The following SKP2 variants were observed in gnomAD, a reference collection of about 807,000 sequenced individuals.
SKP2 encodes S-phase kinase-associated protein 2.
A neutral mutation model predicts 51.8 loss-of-function variants in SKP2; 16 were observed. The observed-to-expected ratio is 0.31, with a 90% CI of 0.21 to 0.47. The LOEUF (loss-of-function observed/expected upper bound fraction) is 0.47. Ranked by LOEUF, SKP2 falls within the 20% of genes least tolerant of loss-of-function variation. SKP2 has a pLI of 1.00. For missense variants in SKP2, 377 were observed against 505.3 expected, an observed-to-expected ratio of 0.75 and a Z score of 2.43; for synonymous variants, 176 against 198.6, an observed-to-expected ratio of 0.89 and a Z score of 0.96.
intron 7 of SKP2, among the ~76,000 whole-genome samples, chr5:36,173,414 C>T (rs1745535413): frequency 6.6e-6 from 1 of 152,158 alleles, no homozygotes; most frequent in African/African-American, 2.4e-5. Flanking sequence ...TCTTCACCCA[C>T]GAGCATCCTC....
chr5:36,152,384 T>A, intron 1 of SKP2, 114 bp downstream of exon 1: 1 of 1,026,500 alleles, frequency 9.7e-7, no homozygotes, highest in Non-Finnish European at 1.5e-6. Context: ...AGTGAATGGT[T>A]GCTTAGCCCC....
Position 36,152,125 on chromosome 5 carries a change from G to T in SKP2, c.-138G>T, listed in dbSNP as rs534520509. The T allele has an allele frequency of 1.0e-5, 9 of 859,546 alleles. No individual in the cohort carries two copies. The highest frequency in any genetic ancestry group is 1.5e-5 in the Non-Finnish European group (8 of 518,392). The allele number at this position is 859,546 out of a possible 1,614,324, so 53.2% of individuals were successfully genotyped here. On this transcript the variant is annotated 5_prime_UTR_variant, in exon 1 of 10. Transcript: ENST00000274255. ...CTTGCGCGCGCAGTGGGGATGGAAC[G>T]TTGCTAGGCTTAGCGGGTCTGGCTG...
intron 2 of SKP2, 79 bp downstream of exon 2, chr5:36,153,121 TCTTTAG>T (rs780220204): frequency 3.9e-5 from 54 of 1,380,596 alleles, no homozygotes; most frequent in Non-Finnish European, 5.2e-5. Context: ...TGTTCAGAGA[TCTTTAG>T]CATGGGTTCC....
chr5:36,153,162 C>T (rs1744805624), intron 2 of SKP2, 120 bp downstream of exon 2: 1 of 924,492 alleles, frequency 1.1e-6, no homozygotes, highest in Non-Finnish European at 1.6e-6. Context: ...AATTCTGAAG[C>T]TATTTTTCAA....
intron 2 of SKP2, among the ~76,000 whole-genome samples, chr5:36,154,044 G>A (rs548316670): frequency 9.2e-5 from 14 of 152,294 alleles, no homozygotes; most frequent in African/African-American, 3.4e-4. Context: ...TGCTCTCAGG[G>A]AGCATCCATT....
In SKP2 at chr5:36,190,683, C is replaced by CAAAAAAAA. The variant is rs70973094; in HGVS notation, c.633-1922_633-1915dup. 1.1e-3 allele frequency among the ~76,000 whole-genome samples: 90 copies of CAAAAAAAA among 81,178 alleles called. 2 individuals carry two copies. The highest frequency in any genetic ancestry group is 2.8e-3 in the African/African-American group (52 of 18,742). 53.3% of individuals were successfully genotyped at this position (81,178 alleles called of 152,430 possible). On this transcript the variant is annotated intron_variant, in intron 6 of 7. Transcript: ENST00000677886. ...AATGATGAAAAACGTCAAACATATG[C>CAAAAAAAA]AAAAAAAAAAAAAAAAAAAAAAAGA... is the stretch of plus-strand genomic sequence containing the variant.
At chr5:36,189,659 C>G (rs934547007) in intron 6 of SKP2, among the ~76,000 whole-genome samples, 1 of 152,196 alleles carries the variant, frequency 6.6e-6, no homozygotes, top group African/African-American at 2.4e-5. Flanking sequence ...TTAGGCTGCT[C>G]GGGGGTCAGG....
chr5:36,153,924 C>G (rs1157081832), intron 2 of SKP2, among the ~76,000 whole-genome samples: 2 of 152,138 alleles, frequency 1.3e-5, no homozygotes, highest in Admixed American at 1.3e-4. Flanking sequence ...GTTTTTCTTA[C>G]TAGTAAGCTA....
chr5:36,159,183 G>A (rs141861268), intron 2 of SKP2, among the ~76,000 whole-genome samples: 1 of 152,250 alleles, frequency 6.6e-6, no homozygotes, highest in East Asian at 1.9e-4. Context: ...GAGTTGGGAA[G>A]GCAAAGATGG....
chr5:36,157,816 G>T (rs936202893), intron 2 of SKP2, among the ~76,000 whole-genome samples: 1 of 152,224 alleles, frequency 6.6e-6, no homozygotes, highest in East Asian at 1.9e-4. Context: ...GCTTGAATCT[G>T]AGTGGAGTGG....
chr5:36,152,528 G>GT (rs1350417071), intron 1 of SKP2, among the ~76,000 whole-genome samples: 1 of 152,110 alleles, frequency 6.6e-6, no homozygotes, highest in African/African-American at 2.4e-5. Context: ...CTCCTTGTCT[G>GT]TTCCCTCCAC....
rs114386915 is a variant in SKP2 at position 36,154,221 on chromosome 5, T to C, written c.280+1179T>C. On this transcript the variant is annotated intron_variant, in intron 2 of 9. Coordinates refer to ENST00000274255, the MANE Select transcript of SKP2 (RefSeq NM_005983.4). ...ACCAGGTATTGAGAGAAAGCCTCAA[T>C]TGGACAGTGACCTTTAAGCAAAGAC... Among the ~76,000 whole-genome samples the C allele has an allele frequency of 9.1e-3, 1,389 of 152,108 alleles. 10 individuals are homozygous for C. The highest frequency in any genetic ancestry group is 0.032 in the African/African-American group (1,311 of 41,488).
chr5:36,156,278 G>A (rs562152055), intron 2 of SKP2, among the ~76,000 whole-genome samples: 7 of 152,118 alleles, frequency 4.6e-5, no homozygotes, highest in Non-Finnish European at 7.4e-5. Flanking sequence ...CAGTGGAGCC[G>A]GATTGTCATT....
At chr5:36,190,683 CAAAA>C (rs70973094) in intron 6 of SKP2, among the ~76,000 whole-genome samples, 32,297 of 80,550 alleles carry the variant, frequency 0.4, 4,100 homozygotes, top group Middle Eastern at 0.53. Flanking sequence ...CAAACATATG[CAAAA>C]AAAAAAAAAA....
chr5:36,183,260 AC>A lies in SKP2; in HGVS notation c.*1230del, dbSNP rs1745867772. ...CAGAGAAGTGAAAAGATTAAATTCTACTTCTATTTTTTTTTTTTTTTTTTGA... is the reference window on the plus strand; with the variant it reads ...CAGAGAAGTGAAAAGATTAAATTCTATTCTATTTTTTTTTTTTTTTTTTGA... On this transcript the variant is annotated 3_prime_UTR_variant, in exon 10 of 10. Coordinates refer to ENST00000274255, the MANE Select transcript of SKP2 (RefSeq NM_005983.4). 1 of 865,014 alleles carries A rather than the reference AC, an allele frequency of 1.2e-6. No homozygotes were observed. Among genetic ancestry groups the A allele is most frequent in the African/African-American group, 2.0e-5 (1 of 50,998 alleles). The allele number at this position is 865,014 out of a possible 1,614,324, so 53.6% of individuals were successfully genotyped here. A position where few individuals can be genotyped will look rare whatever the true frequency, so the allele number is the denominator to read the frequency against.
chr5:36,152,282 G>A lies in SKP2; in HGVS notation c.8+12G>A. On this transcript the variant is annotated intron_variant, in intron 1 of 9. Coordinates refer to ENST00000274255, the MANE Select transcript of SKP2 (RefSeq NM_005983.4). ...GACGCTATGCACAGGTAAACGGATT[G>A]CAAAAAGGGGAAGAGCATGAAATGG... 6.2e-7 allele frequency: 1 copy of A among 1,612,678 alleles called. No individual in the cohort carries two copies. The highest frequency in any genetic ancestry group is 8.5e-7 in the Non-Finnish European group (1 of 1,178,718).
chr5:36,158,952 A>T (rs1745039218), intron 2 of SKP2, among the ~76,000 whole-genome samples: 1 of 152,218 alleles, frequency 6.6e-6, no homozygotes, highest in Non-Finnish European at 1.5e-5. Context: ...ATAGTCGTTA[A>T]TTGGTTAATA....
At chr5:36,158,640 A>G (rs902298108) in intron 2 of SKP2, among the ~76,000 whole-genome samples, 1 of 152,188 alleles carries the variant, frequency 6.6e-6, no homozygotes, top group South Asian at 2.1e-4. Flanking sequence ...TTCTGTTTCC[A>G]TAGCAAGTCC....
At chr5:36,187,026 T>A (rs1015285422), downstream of SKP2, among the ~76,000 whole-genome samples, 3 of 152,232 alleles carry the variant, frequency 2.0e-5, no homozygotes, top group Non-Finnish European at 2.9e-5. Flanking sequence ...CTAGTTTATT[T>A]GCGTAGAGGT....
Sources: gnomAD v4.1 joint callset for allele counts (sites outside exome capture counted in the v4.1 genomes callset) on GRCh38, gnomAD v4.1.1 for gene constraint, MANE v1.5 for transcripts, NCBI Gene and HGNC (gene_info 2026-07-23, HGNC 2026-07-21) for gene names.